Variants in AUH observed in about 807,000 individuals in gnomAD.
AUH encodes the protein methylglutaconyl-CoA hydratase, mitochondrial.
Under a neutral mutation model 42.3 loss-of-function variants are expected in AUH, and 29 were observed. The ratio of observed to expected loss-of-function variants is 0.69; its 90% CI spans 0.51 to 0.93. AUH has a LOEUF of 0.93. Ranked by LOEUF, AUH falls within the 40% of genes least tolerant of loss-of-function variation. The probability of loss-of-function intolerance (pLI) is 0.00; values close to 1 mark genes in which losing one functional copy is unlikely to be tolerated. For missense variants in AUH, 452 were observed against 438.1 expected (o/e 1.03, Z -0.28); for synonymous variants, 174 against 166.4 (o/e 1.05, Z -0.35).
At chr9:91,247,050 A>G (rs1444647471) in intron 6 of AUH, among the ~76,000 whole-genome samples, 4 of 152,168 alleles carry the variant, frequency 2.6e-5, no homozygotes, top group Non-Finnish European at 5.9e-5. Context: ...ACAATCCTTC[A>G]GCCTACTCAC....
At chr9:91,302,788 G>A (rs1347871264) in intron 4 of AUH, among the ~76,000 whole-genome samples, 1 of 152,052 alleles carries the variant, frequency 6.6e-6, no homozygotes, top group Non-Finnish European at 1.5e-5. Context: ...GAAAAAAAAT[G>A]TTAATAATCA....
At chr9:91,317,387 T>C (rs1829240716) in intron 4 of AUH, among the ~76,000 whole-genome samples, 1 of 152,224 alleles carries the variant, frequency 6.6e-6, no homozygotes, top group African/African-American at 2.4e-5. Flanking sequence ...AGTTTTATAA[T>C]TTCTCCAAAT....
At chr9:91,231,510 G>C (rs561468564) in intron 6 of AUH, among the ~76,000 whole-genome samples, 1 of 152,188 alleles carries the variant, frequency 6.6e-6, no homozygotes, top group Non-Finnish European at 1.5e-5. Context: ...GAAATCACCC[G>C]TCTTCTGCGT....
At chr9:91,317,701 G>C (rs1485819528) in intron 4 of AUH, among the ~76,000 whole-genome samples, 1 of 152,202 alleles carries the variant, frequency 6.6e-6, no homozygotes, top group Non-Finnish European at 1.5e-5. Flanking sequence ...GGTGGTGACA[G>C]TGGGTCCTCT....
At chr9:91,287,154 G>A (rs1312454231) in intron 6 of AUH, among the ~76,000 whole-genome samples, 1 of 152,076 alleles carries the variant, frequency 6.6e-6, no homozygotes, top group East Asian at 1.9e-4. Flanking sequence ...CACCAAACAT[G>A]AGACACAGGG....
At chr9:91,252,849 T>C (rs1829211625) in intron 6 of AUH, among the ~76,000 whole-genome samples, 1 of 152,268 alleles carries the variant, frequency 6.6e-6, no homozygotes, top group African/African-American at 2.4e-5. Flanking sequence ...TTTTACATTT[T>C]TACTACTGGA....
intron 3 of AUH, among the ~76,000 whole-genome samples, chr9:91,339,035 A>T (rs1830906801): frequency 6.6e-6 from 1 of 152,220 alleles, no homozygotes; most frequent in East Asian, 1.9e-4. Context: ...AATAAAACAC[A>T]ACCACAATAA....
intron 6 of AUH, among the ~76,000 whole-genome samples, chr9:91,232,591 G>A (rs1201323142): frequency 6.6e-6 from 1 of 152,152 alleles, no homozygotes; most frequent in East Asian, 1.9e-4. Context: ...GTACCTACAT[G>A]ACGCTATGTC....
At chr9:91,337,194 G>A (rs1189195233) in intron 3 of AUH, among the ~76,000 whole-genome samples, 3 of 152,100 alleles carry the variant, frequency 2.0e-5, no homozygotes, top group Non-Finnish European at 4.4e-5. Context: ...CTGACACATG[G>A]CAGGCTCTCT....
intron 4 of AUH, chr9:91,306,318 G>T: frequency 2.0e-6 from 2 of 977,884 alleles, no homozygotes; most frequent in South Asian, 9.5e-5. Flanking sequence ...TATCTGGAAG[G>T]TTACACTTAC....
chr9:91,254,225 A>C (rs1829288107), intron 6 of AUH, among the ~76,000 whole-genome samples: 1 of 152,212 alleles, frequency 6.6e-6, no homozygotes, highest in Non-Finnish European at 1.5e-5. Flanking sequence ...CCCAGATTTT[A>C]TAACTTGGGG....
intron 7 of AUH, among the ~76,000 whole-genome samples, 175 bp downstream of exon 7, chr9:91,220,630 C>T (rs1827075706): frequency 6.6e-6 from 1 of 152,202 alleles, no homozygotes; most frequent in Non-Finnish European, 1.5e-5. Context: ...ATCAGAATTC[C>T]ACAGGATCAT....
In AUH at chr9:91,242,642, G is replaced by A. The variant is rs140862787; in HGVS notation, c.656-21650C>T. ...TTTTTCTTGTGTTTCTGAATTAACT[G>A]TAATAACTGTAACAATAAAGAGTGA... is the stretch of plus-strand genomic sequence containing the variant. On this transcript the variant is annotated intron_variant, in intron 6 of 9. Transcript: ENST00000375731. 1.9e-4 allele frequency among the ~76,000 whole-genome samples: 29 copies of A among 152,274 alleles called. No individual in the cohort carries two copies. In the East Asian group the frequency reaches 5.0e-3, roughly 26 times the overall value.
chr9:91,313,434 G>C (rs1299623494), intron 4 of AUH, among the ~76,000 whole-genome samples: 1 of 151,978 alleles, frequency 6.6e-6, no homozygotes, highest in Non-Finnish European at 1.5e-5. Context: ...GGCCGGGCGC[G>C]GTGGCTCACG....
chr9:91,329,877 A>G (rs530826214), intron 3 of AUH, among the ~76,000 whole-genome samples: 1 of 152,322 alleles, frequency 6.6e-6, no homozygotes, highest in South Asian at 2.1e-4. Flanking sequence ...ACTGTAAAGT[A>G]CCTATAGCTA....
At chr9:91,328,710 A>AT (rs1274641723) in intron 3 of AUH, among the ~76,000 whole-genome samples, 1 of 152,228 alleles carries the variant, frequency 6.6e-6, no homozygotes, top group African/African-American at 2.4e-5. Flanking sequence ...AATCGTATAC[A>AT]TTTTCATTAG....
chr9:91,358,960 C>T (rs1832645720), intron 1 of AUH, among the ~76,000 whole-genome samples: 2 of 152,144 alleles, frequency 1.3e-5, no homozygotes, highest in African/African-American at 4.8e-5. Context: ...CACTTTAATT[C>T]ACAATTCAAT....
intron 6 of AUH, among the ~76,000 whole-genome samples, chr9:91,284,765 A>G (rs896111418): frequency 6.6e-6 from 1 of 152,212 alleles, no homozygotes; most frequent in African/African-American, 2.4e-5. Flanking sequence ...ATGAGATACC[A>G]TCTCACACCA....
chr9:91,264,704 C>T (rs1467091905), intron 6 of AUH, among the ~76,000 whole-genome samples: 2 of 152,120 alleles, frequency 1.3e-5, no homozygotes, highest in Non-Finnish European at 2.9e-5. Context: ...ACTGCTTGAG[C>T]CCAGGAGTTT....
Sources: gnomAD v4.1 joint callset for allele counts (sites outside exome capture counted in the v4.1 genomes callset) on GRCh38, gnomAD v4.1.1 for gene constraint, MANE v1.5 for transcripts, NCBI Gene and HGNC (gene_info 2026-07-23, HGNC 2026-07-21) for gene names.